Variants in OSTF1 observed in about 807,000 individuals in gnomAD.
OSTF1 encodes the protein osteoclast stimulating factor 1.
A neutral mutation model predicts 37.2 loss-of-function variants in OSTF1; 27 were observed. That is an observed-to-expected ratio of 0.73 (90% CI 0.54 to 1.00). The LOEUF (loss-of-function observed/expected upper bound fraction) is 1.00, where lower values mean the gene tolerates loss of function less well. OSTF1 is among the 50% of genes least tolerant of loss of function. The probability of loss-of-function intolerance (pLI) is 0.00; values close to 1 mark genes in which losing one functional copy is unlikely to be tolerated. For missense variants in OSTF1, 232 were observed against 253.8 expected, an observed-to-expected ratio of 0.91 and a Z score of 0.58; for synonymous variants, 82 against 89.2, an observed-to-expected ratio of 0.92 and a Z score of 0.46.
chr9:75,091,476 C>A (rs1043194887), intron 1 of OSTF1, among the ~76,000 whole-genome samples: 1 of 152,164 alleles, frequency 6.6e-6, no homozygotes, highest in African/African-American at 2.4e-5. Flanking sequence ...AGGGAGGGGC[C>A]TCTGGTCTAC....
At chr9:75,126,197 G>A (rs1048844205) in intron 2 of OSTF1, among the ~76,000 whole-genome samples, 1 of 152,202 alleles carries the variant, frequency 6.6e-6, no homozygotes, top group African/African-American at 2.4e-5. Flanking sequence ...TTGCAGGCAT[G>A]AGCTACCACG....
At chr9:75,107,212 G>C (rs1228749592) in intron 1 of OSTF1, among the ~76,000 whole-genome samples, 1 of 131,364 alleles carries the variant, frequency 7.6e-6, no homozygotes, top group Admixed American at 7.5e-5. Flanking sequence ...GACTCCCCCT[G>C]TTTTGTTTTT....
chr9:75,140,746 C>G (rs1488021776), intron 8 of OSTF1, 88 bp from the exon 9 acceptor site: 4 of 836,562 alleles, frequency 4.8e-6, no homozygotes, highest in Non-Finnish European at 7.7e-6. Context: ...GTTTATTTTG[C>G]CAAAAGTTGT....
In OSTF1 at chr9:75,146,827, A is replaced by C; in HGVS notation, c.*86A>C. 4 of 920,712 alleles carry C rather than the reference A, an allele frequency of 4.3e-6. No homozygotes were observed. The highest frequency in any genetic ancestry group is 6.9e-6 in the Non-Finnish European group (4 of 578,756). 57.0% of individuals were successfully genotyped at this position (920,712 alleles called of 1,614,324 possible). On this transcript the variant is annotated 3_prime_UTR_variant, in exon 10 of 10. Coordinates refer to ENST00000346234, the MANE Select transcript of OSTF1 (RefSeq NM_012383.5). Reference sequence around the variant, plus strand: ...CTTTGCCAGAAAAGTGTTGGTAACTATAAAGAAAATTATATATGAACACGG... The same window carrying C: ...CTTTGCCAGAAAAGTGTTGGTAACTCTAAAGAAAATTATATATGAACACGG...
chr9:75,093,351 T>G (rs987845245), intron 1 of OSTF1, among the ~76,000 whole-genome samples: 3 of 152,146 alleles, frequency 2.0e-5, no homozygotes, highest in Non-Finnish European at 4.4e-5. Context: ...AAACAGAACT[T>G]TTGTTCTTGT....
intron 1 of OSTF1, among the ~76,000 whole-genome samples, chr9:75,106,319 G>A (rs536441978): frequency 2.6e-5 from 4 of 152,278 alleles, no homozygotes; most frequent in African/African-American, 9.6e-5. Context: ...TTCTTTCCAA[G>A]GATTATAGCC....
At chr9:75,139,060 T>TCTTTTCTTTTCTTTTC (rs1187745291) in intron 8 of OSTF1, among the ~76,000 whole-genome samples, 1 of 142,802 alleles carries the variant, frequency 7.0e-6, no homozygotes, top group African/African-American at 2.9e-5. Flanking sequence ...CTTTCTTTTT[T>TCTTTTCTTTTCTTTTC]TTTTGAAACT....
intron 1 of OSTF1, among the ~76,000 whole-genome samples, chr9:75,109,257 C>T (rs1351679153): frequency 6.6e-6 from 1 of 152,102 alleles, no homozygotes; most frequent in Non-Finnish European, 1.5e-5. Context: ...AGTGATCTGC[C>T]CGCCTCCACC....
intron 1 of OSTF1, among the ~76,000 whole-genome samples, chr9:75,109,739 C>G (rs1249334997): frequency 2.0e-5 from 3 of 152,262 alleles, no homozygotes; most frequent in Admixed American, 6.5e-5. Flanking sequence ...CCCAAAAATG[C>G]AACTTAAGGT....
chr9:75,100,363 A>G (rs983526835), intron 1 of OSTF1, among the ~76,000 whole-genome samples: 2 of 152,186 alleles, frequency 1.3e-5, no homozygotes, highest in Admixed American at 1.3e-4. Context: ...CTCCTTGTCC[A>G]TGTGCCCATG....
chr9:75,137,352 A>C (rs1452035512), intron 7 of OSTF1, among the ~76,000 whole-genome samples, 186 bp from the exon 8 acceptor site: 1 of 152,064 alleles, frequency 6.6e-6, no homozygotes, highest in Admixed American at 6.5e-5. Context: ...TCCATCTCCC[A>C]AAAATGACTC....
Position 75,127,604 on chromosome 9 carries a change from C to A in OSTF1, c.117C>A (p.Ile39=). 6.3e-7 allele frequency: 1 copy of A among 1,577,014 alleles called. No individual in the cohort carries two copies. Among genetic ancestry groups the A allele is most frequent in the Non-Finnish European group, 8.6e-7 (1 of 1,156,404 alleles). The change falls in exon 3 of 10, where the codon ATC becomes ATA. Residue 39 remains isoleucine (I), a synonymous_variant. Transcript: ENST00000346234. The part of the protein sequence containing the change: ...DELYFEEGDI[I]YITDMSDTNW... ...TATACTTTGAGGAAGGTGATATTAT[C>A]TACATTACTGACATGGTAAGTCCAG...
chr9:75,112,745 C>T lies in OSTF1; in HGVS notation c.35-4759C>T, dbSNP rs116336480. ...TTCTGTAATTTTTGTTGAATTTCAC[C>T]TAAACCCATTTAGTTCGCATGGGAT... On this transcript the variant is annotated intron_variant, in intron 1 of 9. Coordinates refer to ENST00000346234, the MANE Select transcript of OSTF1 (RefSeq NM_012383.5). 3.4e-3 allele frequency among the ~76,000 whole-genome samples: 511 copies of T among 152,332 alleles called. 2 individuals are homozygous for T. The highest frequency in any genetic ancestry group is 0.012 in the African/African-American group (492 of 41,574).
At chr9:75,139,835 A>G (rs957199209) in intron 8 of OSTF1, among the ~76,000 whole-genome samples, 1 of 152,244 alleles carries the variant, frequency 6.6e-6, no homozygotes, top group Non-Finnish European at 1.5e-5. Flanking sequence ...GCAATCTGAC[A>G]GTAGCTGTCA....
chr9:75,128,409 TTGTCC>T (rs1342824878), intron 3 of OSTF1, among the ~76,000 whole-genome samples: 2 of 70,010 alleles, frequency 2.9e-5, no homozygotes, highest in Non-Finnish European at 6.0e-5. Flanking sequence ...TATATATATT[TTGTCC>T]ATATATATAT....
At chr9:75,115,313 G>A (rs1217667047) in intron 1 of OSTF1, among the ~76,000 whole-genome samples, 2 of 151,790 alleles carry the variant, frequency 1.3e-5, no homozygotes, top group Non-Finnish European at 2.9e-5. Flanking sequence ...TTATTTTGAG[G>A]CAGAGTCTTG....
At chr9:75,135,735 C>T (rs1825831575) in intron 7 of OSTF1, among the ~76,000 whole-genome samples, 1 of 152,218 alleles carries the variant, frequency 6.6e-6, no homozygotes. Context: ...TGCTCAGGGT[C>T]TCCCAGGTGG....
chr9:75,129,750 A>G (rs1483753694), intron 3 of OSTF1, among the ~76,000 whole-genome samples: 1 of 152,216 alleles, frequency 6.6e-6, no homozygotes, highest in African/African-American at 2.4e-5. Flanking sequence ...AAGAGATAAA[A>G]AAGAATGGAG....
rs1216014044 is a variant in OSTF1 at position 75,123,115 on chromosome 9, G to A, written c.82-4454G>A. Reference sequence around the variant, plus strand: ...TGTTCTTCAAGGAGAGAGGAAAGGAGGAATGTAGTTAAAAAACAAAGAAAG... The same window carrying A: ...TGTTCTTCAAGGAGAGAGGAAAGGAAGAATGTAGTTAAAAAACAAAGAAAG... On this transcript the variant is annotated intron_variant, in intron 2 of 9. Coordinates refer to ENST00000346234, the MANE Select transcript of OSTF1 (RefSeq NM_012383.5). Among the ~76,000 whole-genome samples, 6 of 152,326 alleles carry A rather than the reference G, an allele frequency of 3.9e-5. No homozygotes were observed. In the East Asian group the frequency reaches 1.2e-3, roughly 29 times the overall value.
Sources: allele counts gnomAD v4.1 joint callset (sites outside exome capture counted in the v4.1 genomes callset), GRCh38; gene constraint gnomAD v4.1.1; transcripts MANE v1.5; gene names NCBI Gene and HGNC (gene_info 2026-07-23, HGNC 2026-07-21).